The following SGCZ variants were observed in gnomAD, a reference collection of about 807,000 sequenced individuals.
The protein encoded by SGCZ is sarcoglycan zeta.
Under a neutral mutation model 41.3 loss-of-function variants are expected in SGCZ, and 40 were observed. That is an observed-to-expected ratio of 0.97 (90% CI 0.75 to 1.26). The LOEUF is 1.26. Among genes scored for constraint, SGCZ ranks in the 50% most tolerant of loss-of-function variants. The probability of loss-of-function intolerance (pLI) is 0.00; values close to 1 mark genes in which losing one functional copy is unlikely to be tolerated. For synonymous variants in SGCZ, 206 were observed against 137.5 expected, an observed-to-expected ratio of 1.50 and a Z score of -3.49; for missense variants, 552 against 369.8, an observed-to-expected ratio of 1.49 and a Z score of -4.04.
chr8:14,726,285 CGT>C (rs1164387594), intron 1 of SGCZ, among the ~76,000 whole-genome samples: 2 of 125,248 alleles, frequency 1.6e-5, no homozygotes, highest in Non-Finnish European at 3.4e-5. Flanking sequence ...AAATCATACG[CGT>C]GTGTGTGTGT....
intron 1 of SGCZ, among the ~76,000 whole-genome samples, chr8:15,110,031 C>A (rs909262471): frequency 6.6e-6 from 1 of 152,114 alleles, no homozygotes; most frequent in South Asian, 2.1e-4. Flanking sequence ...GCCACAGGGA[C>A]ATTTTCATTA....
intron 1 of SGCZ, among the ~76,000 whole-genome samples, chr8:14,637,110 T>G (rs190760388): frequency 6.6e-6 from 1 of 151,484 alleles, no homozygotes; most frequent in Non-Finnish European, 1.5e-5. Context: ...TTTGCTCCTT[T>G]CCTTAAAGAA....
intron 1 of SGCZ, among the ~76,000 whole-genome samples, chr8:15,033,087 T>G (rs1803740525): frequency 6.6e-6 from 1 of 151,922 alleles, no homozygotes; most frequent in Non-Finnish European, 1.5e-5. Flanking sequence ...TCCTATGACC[T>G]CAAGCTCTAG....
chr8:14,644,711 T>C (rs879177013), intron 1 of SGCZ, among the ~76,000 whole-genome samples: 1 of 151,762 alleles, frequency 6.6e-6, no homozygotes, highest in Non-Finnish European at 1.5e-5. Flanking sequence ...CAAAAATTAA[T>C]GAAAATTTGC....
intron 5 of SGCZ, among the ~76,000 whole-genome samples, chr8:14,124,730 G>A (rs2117043157): frequency 6.6e-6 from 1 of 152,148 alleles, no homozygotes; most frequent in African/African-American, 2.4e-5. Flanking sequence ...ATTCAAATAT[G>A]CTCATTCTTA....
At chr8:14,864,349 T>C (rs1803854411) in intron 1 of SGCZ, among the ~76,000 whole-genome samples, 1 of 152,144 alleles carries the variant, frequency 6.6e-6, no homozygotes, top group African/African-American at 2.4e-5. Flanking sequence ...GAAGGTAAAA[T>C]CACTAAATAG....
chr8:14,265,339 T>C (rs1029240828), intron 3 of SGCZ, among the ~76,000 whole-genome samples: 1 of 152,218 alleles, frequency 6.6e-6, no homozygotes, highest in Admixed American at 6.5e-5. Context: ...CGTCATTTTC[T>C]TTATAGCATT....
intron 1 of SGCZ, among the ~76,000 whole-genome samples, chr8:15,213,905 T>C (rs969175190): frequency 2.6e-5 from 4 of 152,064 alleles, no homozygotes; most frequent in African/African-American, 7.2e-5. Flanking sequence ...TTTGCAGCTA[T>C]GAATAGTTAT....
At chr8:14,453,799 T>C (rs748905292) in intron 2 of SGCZ, among the ~76,000 whole-genome samples, 22 of 152,222 alleles carry the variant, frequency 1.4e-4, no homozygotes, top group Non-Finnish European at 2.2e-4. Context: ...AATGGTTTTC[T>C]AAATGGTTTC....
intron 1 of SGCZ, among the ~76,000 whole-genome samples, chr8:15,078,864 C>G (rs930874286): frequency 2.7e-5 from 4 of 149,592 alleles, no homozygotes; most frequent in Non-Finnish European, 1.5e-5. Flanking sequence ...GTATTCTAAT[C>G]CTCCTTTCTC....
intron 1 of SGCZ, among the ~76,000 whole-genome samples, chr8:14,623,442 G>A (rs1397284): frequency 0.15 from 22,900 of 152,172 alleles, 2,190 homozygotes; most frequent in South Asian, 0.21. Context: ...AAGAGAAGAG[G>A]CAGACATCTC....
chr8:14,564,022 A>G (rs1045313206), intron 1 of SGCZ, among the ~76,000 whole-genome samples: 2 of 152,246 alleles, frequency 1.3e-5, no homozygotes, highest in Non-Finnish European at 2.9e-5. Context: ...CCTTAAAATT[A>G]AAATATAAAT....
chr8:15,072,729 G>T (rs1047500083), intron 1 of SGCZ, among the ~76,000 whole-genome samples: 5 of 152,182 alleles, frequency 3.3e-5, no homozygotes, highest in African/African-American at 9.6e-5. Context: ...AAGTGAGGAA[G>T]CTTTGCAATA....
intron 1 of SGCZ, among the ~76,000 whole-genome samples, chr8:14,686,559 G>C (rs1238007649): frequency 6.6e-6 from 1 of 151,982 alleles, no homozygotes; most frequent in Non-Finnish European, 1.5e-5. Flanking sequence ...GAGGAGGATA[G>C]AGATGGGAAA....
chr8:15,079,508 C>A (rs1319490051), intron 1 of SGCZ, among the ~76,000 whole-genome samples: 1 of 152,154 alleles, frequency 6.6e-6, no homozygotes, highest in Admixed American at 6.5e-5. Context: ...TACGCTTAAG[C>A]AAATAAGTTT....
intron 1 of SGCZ, among the ~76,000 whole-genome samples, chr8:14,873,086 G>T (rs1038312013): frequency 6.6e-6 from 1 of 152,078 alleles, no homozygotes; most frequent in Non-Finnish European, 1.5e-5. Context: ...TAATAGAAAC[G>T]ATTTTAATAA....
intron 1 of SGCZ, among the ~76,000 whole-genome samples, chr8:14,914,380 GC>G (rs1260432397): frequency 1.3e-5 from 2 of 151,980 alleles, no homozygotes; most frequent in Non-Finnish European, 2.9e-5. Flanking sequence ...GACAACTGTA[GC>G]TTTTTCTAAT....
At chr8:14,367,037 G>A (rs1343005809) in intron 2 of SGCZ, among the ~76,000 whole-genome samples, 1 of 152,070 alleles carries the variant, frequency 6.6e-6, no homozygotes, top group Non-Finnish European at 1.5e-5. Flanking sequence ...TTGTCAGGCT[G>A]CATATTTTCC....
intron 1 of SGCZ, among the ~76,000 whole-genome samples, chr8:15,218,917 G>A (rs1037911009): frequency 1.3e-5 from 2 of 152,150 alleles, no homozygotes; most frequent in Non-Finnish European, 2.9e-5. Context: ...CCCACAAGTG[G>A]CGCTGAAAAT....
Sources: allele counts gnomAD v4.1 joint callset (sites outside exome capture counted in the v4.1 genomes callset), GRCh38; gene constraint gnomAD v4.1.1; transcripts MANE v1.5; gene names NCBI Gene and HGNC (gene_info 2026-07-23, HGNC 2026-07-21).